The following LRP1B variants were observed in gnomAD, a reference collection of about 807,000 sequenced individuals.
LRP1B encodes low-density lipoprotein receptor-related protein 1B.
LRP1B carries 217 observed loss-of-function variants against 556.6 expected under a neutral mutation model. That is an observed-to-expected ratio of 0.39 (90% CI 0.35 to 0.44). The LOEUF (loss-of-function observed/expected upper bound fraction) is 0.44. Among genes scored for constraint, LRP1B ranks in the 20% least tolerant of loss-of-function variants. The pLI is 1.00. For missense variants in LRP1B, 5,053 were observed against 5,620.8 expected (o/e 0.90, Z 3.23); for synonymous variants, 2,047 against 1,865.8 (o/e 1.10, Z -2.50).
At chr2:142,019,990 G>A (rs1703281183) in intron 1 of LRP1B, among the ~76,000 whole-genome samples, 2 of 152,100 alleles carry the variant, frequency 1.3e-5, no homozygotes, top group Non-Finnish European at 2.9e-5. Flanking sequence ...CCATTGCCAT[G>A]AACTCTGTCT....
intron 1 of LRP1B, among the ~76,000 whole-genome samples, chr2:141,977,984 T>TGTG (rs2105089144): frequency 6.6e-6 from 1 of 152,236 alleles, no homozygotes; most frequent in East Asian, 1.9e-4. Flanking sequence ...ATTGTAACAT[T>TGTG]GTGAGAAATA....
At chr2:141,377,840 AT>A (rs923336525) in intron 3 of LRP1B, among the ~76,000 whole-genome samples, 2 of 152,206 alleles carry the variant, frequency 1.3e-5, no homozygotes, top group Non-Finnish European at 2.9e-5. Context: ...ATTTTAAAAA[AT>A]GTCTTCATAG....
chr2:140,408,524 G>A (rs1684843262), intron 66 of LRP1B, among the ~76,000 whole-genome samples: 1 of 151,700 alleles, frequency 6.6e-6, no homozygotes, highest in Non-Finnish European at 1.5e-5. Flanking sequence ...ATTTGTTGGA[G>A]GGTAAGAAGT....
chr2:141,914,073 G>A (rs983613526), intron 1 of LRP1B, among the ~76,000 whole-genome samples: 5 of 152,050 alleles, frequency 3.3e-5, no homozygotes, highest in Non-Finnish European at 1.5e-5. Context: ...CCTTACCAAG[G>A]AGGGCACAGC....
chr2:140,249,798 GTTGAT>G (rs373771565), intron 86 of LRP1B, among the ~76,000 whole-genome samples: 2 of 151,766 alleles, frequency 1.3e-5, no homozygotes, highest in Non-Finnish European at 2.9e-5. Context: ...TCTTCCAGTG[GTTGAT>G]TTAAGACCAG....
chr2:140,750,068 C>T (rs1279477747), intron 35 of LRP1B, among the ~76,000 whole-genome samples: 1 of 133,698 alleles, frequency 7.5e-6, no homozygotes, highest in Non-Finnish European at 1.6e-5. Context: ...ACTGTATATA[C>T]TGTGCACACG....
intron 3 of LRP1B, among the ~76,000 whole-genome samples, chr2:141,329,804 TG>T (rs1204782764): frequency 3.3e-5 from 5 of 152,158 alleles, no homozygotes; most frequent in African/African-American, 1.2e-4. Flanking sequence ...TGAGAGTTCT[TG>T]CTTGTTTAAA....
intron 3 of LRP1B, among the ~76,000 whole-genome samples, chr2:141,328,181 A>G (rs1016271206): frequency 3.9e-5 from 6 of 152,210 alleles, no homozygotes; most frequent in Non-Finnish European, 7.3e-5. Context: ...TCATGCATGT[A>G]CATTCACATA....
chr2:140,469,312 A>G (rs1687672916), intron 60 of LRP1B, among the ~76,000 whole-genome samples: 1 of 152,166 alleles, frequency 6.6e-6, no homozygotes, highest in African/African-American at 2.4e-5. Flanking sequence ...CTGTGAAAGG[A>G]CACAGCAACA....
intron 3 of LRP1B, among the ~76,000 whole-genome samples, chr2:141,266,868 T>TA (rs977034149): frequency 1.3e-5 from 2 of 152,202 alleles, no homozygotes; most frequent in African/African-American, 4.8e-5. Flanking sequence ...CACAATTTGC[T>TA]AAAAAATAAA....
At chr2:140,996,573 G>A (rs1351548727) in intron 15 of LRP1B, among the ~76,000 whole-genome samples, 1 of 151,980 alleles carries the variant, frequency 6.6e-6, no homozygotes, top group Non-Finnish European at 1.5e-5. Flanking sequence ...GAACAGAATA[G>A]GGTGTAGAGT....
intron 1 of LRP1B, among the ~76,000 whole-genome samples, chr2:141,977,383 C>G (rs1324195108): frequency 6.6e-6 from 1 of 152,004 alleles, no homozygotes; most frequent in East Asian, 1.9e-4. Flanking sequence ...ACCAGCCTGG[C>G]CAGCATGGTG....
chr2:141,469,491 A>G (rs1281723192), intron 3 of LRP1B, among the ~76,000 whole-genome samples: 1 of 123,524 alleles, frequency 8.1e-6, no homozygotes, highest in African/African-American at 2.8e-5. Context: ...ATTTTCCATG[A>G]GGGCCCATTT....
In LRP1B at chr2:141,570,533, G is replaced by C. The variant is rs374126036; in HGVS notation, c.206-90000C>G. ...CTGCTTAAGCCTACTGATCTCCCAG[G>C]GGGAGGGGTGACCAGCACTGGCTGG... On this transcript the variant is annotated intron_variant, in intron 2 of 90. Transcript: ENST00000389484. Among the ~76,000 whole-genome samples the C allele has an allele frequency of 4.0e-5, 6 of 151,398 alleles. No individual in the cohort carries two copies. In the East Asian group the frequency reaches 5.8e-4, roughly 15 times the overall value.
intron 2 of LRP1B, among the ~76,000 whole-genome samples, chr2:141,585,456 T>TGC (rs1158721631): frequency 1.3e-5 from 2 of 150,846 alleles, no homozygotes; most frequent in Non-Finnish European, 3.0e-5. Flanking sequence ...TGTGTGTGTG[T>TGC]GTGTGTGTGT....
At chr2:141,081,552 T>A (rs763972019) in intron 7 of LRP1B, among the ~76,000 whole-genome samples, 1 of 152,180 alleles carries the variant, frequency 6.6e-6, no homozygotes, top group Non-Finnish European at 1.5e-5. Flanking sequence ...TAATTTTATA[T>A]ATACAGGTTT....
intron 2 of LRP1B, among the ~76,000 whole-genome samples, chr2:141,657,669 C>T (rs1416430431): frequency 6.6e-6 from 1 of 152,068 alleles, no homozygotes; most frequent in East Asian, 1.9e-4. Flanking sequence ...ACTTGGATAT[C>T]CTTGCAGGCT....
intron 5 of LRP1B, 141 bp from the exon 6 acceptor site, chr2:141,229,581 G>A: frequency 1.6e-6 from 1 of 638,670 alleles, no homozygotes; most frequent in South Asian, 2.2e-5. Flanking sequence ...CTTTCTATAA[G>A]TCATATGTAT....
At chr2:140,295,403 C>T (rs1002390216) in intron 84 of LRP1B, among the ~76,000 whole-genome samples, 1 of 152,128 alleles carries the variant, frequency 6.6e-6, no homozygotes, top group Non-Finnish European at 1.5e-5. Context: ...CTTGCTTCTG[C>T]AGAAGAAGTC....
Sources: gnomAD v4.1 joint callset for allele counts (sites outside exome capture counted in the v4.1 genomes callset) on GRCh38, gnomAD v4.1.1 for gene constraint, MANE v1.5 for transcripts, NCBI Gene and HGNC (gene_info 2026-07-23, HGNC 2026-07-21) for gene names.